INPP4B: variants seen among roughly 807,000 people sequenced by gnomAD.
INPP4B encodes the protein inositol polyphosphate 4-phosphatase type II.
In INPP4B, 55 loss-of-function variants were observed where a neutral mutation model predicts 122.5. The observed-to-expected ratio is 0.45, with a 90% CI of 0.36 to 0.56. The LOEUF is 0.56. INPP4B is among the 20% of genes least tolerant of loss of function. The probability of loss-of-function intolerance (pLI) is 0.00; values close to 1 mark genes in which losing one functional copy is unlikely to be tolerated. For synonymous variants in INPP4B, 403 were observed against 388.7 expected (o/e 1.04, Z -0.43); for missense variants, 1,000 against 1,097.7 (o/e 0.91, Z 1.26).
At chr4:142,066,725 T>C (rs1332894852) in intron 25 of INPP4B, among the ~76,000 whole-genome samples, 1 of 152,198 alleles carries the variant, frequency 6.6e-6, no homozygotes, top group Non-Finnish European at 1.5e-5. Flanking sequence ...TCACTCATTG[T>C]TAGCACAGCA....
chr4:142,027,222 T>C lies in INPP4B; in HGVS notation c.*1560A>G, dbSNP rs1240314980. On this transcript the variant is annotated 3_prime_UTR_variant, in exon 26 of 26. Transcript: ENST00000262992. ...TAAAATAAAAAATTGATAATTCTAG[T>C]ATAAAAAGCTCCAAATGCTTATCTA... The C allele has an allele frequency of 6.6e-6, 1 of 152,148 alleles. No individual in the cohort carries two copies. The highest frequency in any genetic ancestry group is 1.5e-5 in the Non-Finnish European group (1 of 68,016). The allele number at this position is 152,148 out of a possible 1,614,324, so 9.4% of individuals were successfully genotyped here.
At chr4:142,204,812 A>G (rs1842018441) in intron 14 of INPP4B, among the ~76,000 whole-genome samples, 1 of 152,062 alleles carries the variant, frequency 6.6e-6, no homozygotes, top group Non-Finnish European at 1.5e-5. Context: ...GGATTACTCC[A>G]TAGGTTTAAG....
chr4:142,348,483 C>G (rs1395270658), intron 7 of INPP4B, among the ~76,000 whole-genome samples: 1 of 152,022 alleles, frequency 6.6e-6, no homozygotes, highest in African/African-American at 2.4e-5. Flanking sequence ...CCTCCTGCCC[C>G]TCCAATTCTC....
At chr4:142,263,736 A>G (rs78262875) in intron 10 of INPP4B, among the ~76,000 whole-genome samples, 2,372 of 145,170 alleles carry the variant, frequency 0.016, 79 homozygotes, top group African/African-American at 0.057. Context: ...AGGCGATAGA[A>G]AGCTCTGAGG....
intron 2 of INPP4B, among the ~76,000 whole-genome samples, chr4:142,720,795 C>CTATATATATA (rs1192287551): frequency 6.0e-5 from 2 of 33,608 alleles, no homozygotes; most frequent in African/African-American, 1.0e-4. Flanking sequence ...CTCTCTCTCT[C>CTATATATATA]TCTCTCTCTC....
intron 2 of INPP4B, among the ~76,000 whole-genome samples, chr4:142,620,831 A>G (rs1445442319): frequency 6.6e-6 from 1 of 151,924 alleles, no homozygotes; most frequent in African/African-American, 2.4e-5. Context: ...TCTGACTTTA[A>G]CCATTTAATT....
At chr4:142,561,221 T>G (rs1730399312) in intron 2 of INPP4B, among the ~76,000 whole-genome samples, 1 of 152,182 alleles carries the variant, frequency 6.6e-6, no homozygotes, top group Non-Finnish European at 1.5e-5. Flanking sequence ...TACTCACTGA[T>G]TTTTCTGGAT....
chr4:142,173,502 T>G, intron 16 of INPP4B, 130 bp downstream of exon 16: 1 of 706,652 alleles, frequency 1.4e-6, no homozygotes, highest in Non-Finnish European at 2.3e-6. Context: ...GGCAATACTT[T>G]GAAGCTTACT....
chr4:142,135,987 C>A (rs1348534202), intron 18 of INPP4B, among the ~76,000 whole-genome samples: 1 of 152,084 alleles, frequency 6.6e-6, no homozygotes, highest in Non-Finnish European at 1.5e-5. Flanking sequence ...TTAGTAGAGA[C>A]GGGGTTTCAC....
chr4:142,522,340 C>T (rs1162733823), intron 2 of INPP4B, among the ~76,000 whole-genome samples: 4 of 108,434 alleles, frequency 3.7e-5, no homozygotes, highest in South Asian at 3.8e-4. Context: ...TTCCCGCCCC[C>T]GCCCCCCACC....
At chr4:142,321,498 T>G (rs1359317295) in intron 7 of INPP4B, among the ~76,000 whole-genome samples, 1 of 152,194 alleles carries the variant, frequency 6.6e-6, no homozygotes, top group Non-Finnish European at 1.5e-5. Flanking sequence ...CATGAATTAT[T>G]TGCCTAAGTC....
intron 5 of INPP4B, among the ~76,000 whole-genome samples, chr4:142,422,859 G>A (rs935475575): frequency 6.6e-6 from 1 of 151,838 alleles, no homozygotes; most frequent in Non-Finnish European, 1.5e-5. Flanking sequence ...TCAAGAAAAT[G>A]GATGTCAATC....
chr4:142,332,731 G>A (rs893390991), intron 7 of INPP4B, among the ~76,000 whole-genome samples: 4 of 151,594 alleles, frequency 2.6e-5, no homozygotes, highest in East Asian at 1.9e-4. Flanking sequence ...GGGGCCCTGC[G>A]CAGTGGCTCA....
At chr4:142,769,895 C>A (rs1182517740) in intron 1 of INPP4B, among the ~76,000 whole-genome samples, 1 of 152,082 alleles carries the variant, frequency 6.6e-6, no homozygotes, top group Non-Finnish European at 1.5e-5. Context: ...GCCTGGGCGA[C>A]AGAGTGAGAC....
chr4:142,750,731 G>T (rs1334599894), intron 1 of INPP4B, among the ~76,000 whole-genome samples: 2 of 152,018 alleles, frequency 1.3e-5, no homozygotes, highest in African/African-American at 4.8e-5. Context: ...TTGGCAGATG[G>T]GTCTAATCAG....
chr4:142,063,553 T>C (rs1022492918), intron 25 of INPP4B, among the ~76,000 whole-genome samples: 1 of 152,158 alleles, frequency 6.6e-6, no homozygotes, highest in Admixed American at 6.6e-5. Context: ...TGACAAAACA[T>C]GCTAATACCA....
chr4:142,426,293 T>G (rs1562073063), intron 5 of INPP4B, among the ~76,000 whole-genome samples: 1 of 152,006 alleles, frequency 6.6e-6, no homozygotes, highest in Admixed American at 6.6e-5. Context: ...ATTGTTTCCA[T>G]AAAGAAATGT....
intron 2 of INPP4B, among the ~76,000 whole-genome samples, chr4:142,542,603 T>A (rs1829068189): frequency 6.6e-6 from 1 of 152,182 alleles, no homozygotes; most frequent in East Asian, 1.9e-4. Context: ...GATTATGGAG[T>A]TGATTATTAA....
intron 1 of INPP4B, among the ~76,000 whole-genome samples, chr4:142,763,005 C>A (rs765418387): frequency 6.6e-6 from 1 of 152,272 alleles, no homozygotes; most frequent in African/African-American, 2.4e-5. Flanking sequence ...CGAGAGCAAT[C>A]CTCACCAAAC....
Sources: gnomAD v4.1 joint callset for allele counts (sites outside exome capture counted in the v4.1 genomes callset) on GRCh38, gnomAD v4.1.1 for gene constraint, MANE v1.5 for transcripts, NCBI Gene and HGNC (gene_info 2026-07-23, HGNC 2026-07-21) for gene names.